Variants in HS3ST2 observed in about 807,000 individuals in gnomAD.
HS3ST2 encodes heparan sulfate glucosamine 3-O-sulfotransferase 2.
HS3ST2 carries 17 observed loss-of-function variants against 26.3 expected under a neutral mutation model. The ratio of observed to expected loss-of-function variants is 0.65; its 90% CI spans 0.44 to 0.97. HS3ST2 has a LOEUF of 0.97. HS3ST2 is among the 50% of genes least tolerant of loss of function. The pLI is 0.00. For missense variants in HS3ST2, 402 were observed against 501.2 expected (o/e 0.80, Z 1.89); for synonymous variants, 237 against 219.2 (o/e 1.08, Z -0.72).
intron 1 of HS3ST2, among the ~76,000 whole-genome samples, chr16:22,857,291 A>G (rs1194079770): frequency 6.6e-6 from 1 of 152,222 alleles, no homozygotes; most frequent in Non-Finnish European, 1.5e-5. Context: ...CGCTTCTTGC[A>G]TCTTTCCACA....
chr16:22,883,544 C>G (rs773432613), intron 1 of HS3ST2, among the ~76,000 whole-genome samples: 4 of 152,164 alleles, frequency 2.6e-5, no homozygotes, highest in African/African-American at 4.8e-5. Context: ...AAAGTGAGCT[C>G]TTTTAGAAAG....
At chr16:22,835,552 C>A (rs113717828) in intron 1 of HS3ST2, among the ~76,000 whole-genome samples, 1 of 152,162 alleles carries the variant, frequency 6.6e-6, no homozygotes, top group African/African-American at 2.4e-5. Flanking sequence ...TACTGTCTGA[C>A]TACCCTGTCT....
chr16:22,839,273 T>G (rs1249844216), intron 1 of HS3ST2, among the ~76,000 whole-genome samples: 3 of 152,220 alleles, frequency 2.0e-5, no homozygotes, highest in African/African-American at 7.2e-5. Context: ...AGGCACCCAC[T>G]GAAAACACAT....
chr16:22,841,061 G>A (rs938836706), intron 1 of HS3ST2, among the ~76,000 whole-genome samples: 1 of 146,516 alleles, frequency 6.8e-6, no homozygotes, highest in African/African-American at 2.5e-5. Flanking sequence ...GAGAGCAACC[G>A]GTGTTTGGTT....
chr16:22,894,757 T>C (rs938713411), intron 1 of HS3ST2, among the ~76,000 whole-genome samples: 2 of 146,254 alleles, frequency 1.4e-5, no homozygotes, highest in Non-Finnish European at 3.0e-5. Context: ...AAAAAAGGAG[T>C]TGGAGGCTGT....
At chr16:22,910,037 C>CAAAAAAAAAAAAA (rs774757407) in intron 1 of HS3ST2, among the ~76,000 whole-genome samples, 2 of 97,072 alleles carry the variant, frequency 2.1e-5, no homozygotes, top group Admixed American at 1.2e-4. Context: ...AACTCCATCT[C>CAAAAAAAAAAAAA]AAAAAAAAAA....
intron 1 of HS3ST2, among the ~76,000 whole-genome samples, chr16:22,884,515 C>A (rs1902033425): frequency 6.6e-6 from 1 of 152,040 alleles, no homozygotes; most frequent in South Asian, 2.1e-4. Flanking sequence ...ATAGAAGGAG[C>A]TTCACATTCT....
chr16:22,905,730 G>A (rs527334645), intron 1 of HS3ST2, among the ~76,000 whole-genome samples: 1 of 152,276 alleles, frequency 6.6e-6, no homozygotes, highest in South Asian at 2.1e-4. Flanking sequence ...GATGGGATGG[G>A]TGTGGCCAGG....
intron 1 of HS3ST2, among the ~76,000 whole-genome samples, chr16:22,860,929 G>A (rs1400058930): frequency 2.0e-5 from 3 of 151,776 alleles, no homozygotes; most frequent in Non-Finnish European, 4.4e-5. Flanking sequence ...CTGGAGTGCA[G>A]TGGTGTGGTC....
intron 1 of HS3ST2, among the ~76,000 whole-genome samples, chr16:22,880,743 TG>T (rs1358270523): frequency 6.6e-5 from 10 of 152,160 alleles, no homozygotes; most frequent in African/African-American, 2.2e-4. Flanking sequence ...TGACTCAAAA[TG>T]GGTGAATCCA....
rs138332690 is a variant in HS3ST2, at chr16:22,894,869, C to A, written c.486-20075C>A. Among the ~76,000 whole-genome samples, 103 of 152,156 alleles carry A rather than the reference C, an allele frequency of 6.8e-4. 1 individual carries two copies. In the East Asian group the frequency reaches 9.3e-3, roughly 14 times the overall value. Reference sequence around the variant, plus strand: ...CAGTAAAAACAAATTAGCCTCCCTTCTTCCAAAAATATGCCTATATTTGTT... The same window carrying A: ...CAGTAAAAACAAATTAGCCTCCCTTATTCCAAAAATATGCCTATATTTGTT... On this transcript the variant is annotated intron_variant, in intron 1 of 1. Coordinates refer to ENST00000261374, the MANE Select transcript of HS3ST2 (RefSeq NM_006043.2).
intron 1 of HS3ST2, among the ~76,000 whole-genome samples, chr16:22,824,921 T>C (rs1901060449): frequency 6.6e-6 from 1 of 152,062 alleles, no homozygotes; most frequent in South Asian, 2.1e-4. Flanking sequence ...GATGGAGAGA[T>C]GAGTGGGCAT....
intron 1 of HS3ST2, among the ~76,000 whole-genome samples, chr16:22,844,037 G>A (rs139489179): frequency 2.6e-4 from 35 of 132,436 alleles, no homozygotes; most frequent in African/African-American, 3.1e-4. Flanking sequence ...ACACACACAC[G>A]CACACACACA....
At chr16:22,899,789 A>G (rs1408864196) in intron 1 of HS3ST2, among the ~76,000 whole-genome samples, 1 of 152,218 alleles carries the variant, frequency 6.6e-6, no homozygotes, top group Non-Finnish European at 1.5e-5. Flanking sequence ...CATGAGACTT[A>G]TTCACTACCA....
In HS3ST2 at chr16:22,867,089, C is replaced by G. The variant is rs537158983; in HGVS notation, c.486-47855C>G. Among the ~76,000 whole-genome samples, 13 of 152,186 alleles carry G rather than the reference C, an allele frequency of 8.5e-5. No individual in the cohort carries two copies. The East Asian group carries it at 2.5e-3, about 29-fold the overall frequency. On this transcript the variant is annotated intron_variant, in intron 1 of 1. Coordinates refer to ENST00000261374, the MANE Select transcript of HS3ST2 (RefSeq NM_006043.2). ...TATAGTAATTAAAAGTATAGTACTG[C>G]TGTGGAAAGATCGGTGGGATAGAAG...
chr16:22,818,083 C>T (rs757364573), intron 1 of HS3ST2, among the ~76,000 whole-genome samples: 16 of 152,190 alleles, frequency 1.1e-4, no homozygotes, highest in Non-Finnish European at 2.1e-4. Context: ...CTCCAATTTG[C>T]TGTCTTTCTG....
chr16:22,888,839 T>C (rs957019494), intron 1 of HS3ST2, among the ~76,000 whole-genome samples: 19 of 152,248 alleles, frequency 1.2e-4, no homozygotes, highest in African/African-American at 4.6e-4. Flanking sequence ...TCTTGCACTC[T>C]CTGGGACAGA....
chr16:22,819,273 T>C (rs552576348), intron 1 of HS3ST2, among the ~76,000 whole-genome samples: 39 of 151,572 alleles, frequency 2.6e-4, no homozygotes, highest in Non-Finnish European at 5.0e-4. Context: ...TCTGCTCACC[T>C]GTGAAATGGC....
intron 1 of HS3ST2, among the ~76,000 whole-genome samples, chr16:22,842,881 G>C (rs1901378506): frequency 6.6e-6 from 1 of 152,166 alleles, no homozygotes. Context: ...AAAGGCTAGA[G>C]CTTTTGCCAA....
Sources: allele counts gnomAD v4.1 joint callset (sites outside exome capture counted in the v4.1 genomes callset), GRCh38; gene constraint gnomAD v4.1.1; transcripts MANE v1.5; gene names NCBI Gene and HGNC (gene_info 2026-07-23, HGNC 2026-07-21).